The following ADAMTS20 variants were observed in gnomAD, a reference collection of about 807,000 sequenced individuals.
ADAMTS20 encodes the protein A disintegrin and metalloproteinase with thrombospondin motifs 20.
ADAMTS20 carries 225 observed loss-of-function variants against 260.1 expected under a neutral mutation model. The ratio of observed to expected loss-of-function variants is 0.87; its 90% confidence interval spans 0.78 to 0.97. The LOEUF (loss-of-function observed/expected upper bound fraction) is 0.97, where lower values mean the gene tolerates loss of function less well. ADAMTS20 is among the 50% of genes least tolerant of loss of function. The pLI is 0.00. For missense variants in ADAMTS20, 2,400 were observed against 2,337.7 expected (o/e 1.03, Z -0.55); for synonymous variants, 802 against 769.5 (o/e 1.04, Z -0.70).
chr12:43,517,558 A>C (rs1943016165), intron 3 of ADAMTS20, among the ~76,000 whole-genome samples: 1 of 152,100 alleles, frequency 6.6e-6, no homozygotes, highest in African/African-American at 2.4e-5. Context: ...TAAATTGACG[A>C]TATAACGTAT....
intron 37 of ADAMTS20, among the ~76,000 whole-genome samples, chr12:43,361,035 C>T (rs755016233): frequency 1.3e-5 from 2 of 152,206 alleles, no homozygotes; most frequent in Non-Finnish European, 2.9e-5. Context: ...ATTTACTTTA[C>T]TTTACTTTCG....
intron 2 of ADAMTS20, among the ~76,000 whole-genome samples, chr12:43,540,649 A>C (rs5797868): frequency 0.48 from 71,611 of 150,680 alleles, 17,224 homozygotes; most frequent in East Asian, 0.69. Flanking sequence ...TAAAAAAAAA[A>C]CAGGTGGTTC....
chr12:43,480,550 ACATAAGTATACAT>A (rs1336118564), intron 7 of ADAMTS20, among the ~76,000 whole-genome samples: 1 of 152,200 alleles, frequency 6.6e-6, no homozygotes, highest in Non-Finnish European at 1.5e-5. Context: ...ACAGTATACA[ACATAAGTATACAT>A]CAATGCATAA....
chr12:43,402,265 T>G (rs1940824314), intron 28 of ADAMTS20, among the ~76,000 whole-genome samples: 1 of 151,982 alleles, frequency 6.6e-6, no homozygotes, highest in Non-Finnish European at 1.5e-5. Flanking sequence ...TTTATTAAAC[T>G]CTAAAATAAT....
At chr12:43,412,802 A>ATTTTTTTTTTT in intron 28 of ADAMTS20, among the ~76,000 whole-genome samples, 1 of 84,274 alleles carries the variant, frequency 1.2e-5, no homozygotes, top group Non-Finnish European at 2.1e-5. Flanking sequence ...ATAGGAAATA[A>ATTTTTTTTTTT]TTTTTTTTTT....
chr12:43,446,279 C>T (rs1012271179), intron 15 of ADAMTS20, among the ~76,000 whole-genome samples: 2 of 151,994 alleles, frequency 1.3e-5, no homozygotes, highest in African/African-American at 2.4e-5. Flanking sequence ...GGGAAAAAAC[C>T]ATTTCATTAA....
intron 37 of ADAMTS20, among the ~76,000 whole-genome samples, chr12:43,363,091 T>C (rs1939908813): frequency 1.3e-5 from 2 of 152,138 alleles, no homozygotes; most frequent in African/African-American, 2.4e-5. Flanking sequence ...CTGTGGCATC[T>C]GAACCATGAC....
chr12:43,445,118 C>G (rs1486879175), intron 15 of ADAMTS20, among the ~76,000 whole-genome samples: 2 of 151,994 alleles, frequency 1.3e-5, no homozygotes, highest in Non-Finnish European at 2.9e-5. Flanking sequence ...GCAAAGGTGA[C>G]AAGATGAAGG....
intron 3 of ADAMTS20, among the ~76,000 whole-genome samples, chr12:43,510,292 A>G (rs994331737): frequency 6.6e-6 from 1 of 152,080 alleles, no homozygotes; most frequent in African/African-American, 2.4e-5. Context: ...GACAGAAGAC[A>G]GAGACAGTAA....
At chr12:43,365,152 A>C (rs976155007) in intron 37 of ADAMTS20, among the ~76,000 whole-genome samples, 2 of 152,060 alleles carry the variant, frequency 1.3e-5, no homozygotes, top group Non-Finnish European at 2.9e-5. Context: ...ATTTTTAATA[A>C]GCAAACCTAT....
At chr12:43,547,834 C>A (rs182185091) in intron 2 of ADAMTS20, among the ~76,000 whole-genome samples, 1 of 152,132 alleles carries the variant, frequency 6.6e-6, no homozygotes, top group Non-Finnish European at 1.5e-5. Context: ...AGTGAGCTCT[C>A]ATTGAACTAG....
At chr12:43,402,515 T>C (rs1940829703) in intron 28 of ADAMTS20, among the ~76,000 whole-genome samples, 1 of 152,008 alleles carries the variant, frequency 6.6e-6, no homozygotes, top group African/African-American at 2.4e-5. Flanking sequence ...CATCTGGGAA[T>C]TTCTTTAAAG....
Position 43,399,089 on chromosome 12 carries a change from A to T in ADAMTS20, c.4429T>A (p.Trp1477Arg). The T allele has an allele frequency of 6.5e-7, 1 of 1,529,276 alleles. No individual in the cohort carries two copies. Among genetic ancestry groups the T allele is most frequent in the Non-Finnish European group, 8.8e-7 (1 of 1,136,870 alleles). 94.7% of individuals were successfully genotyped at this position (1,529,276 alleles called of 1,614,324 possible). A position where few individuals can be genotyped will look rare whatever the true frequency, so the allele number is the denominator to read the frequency against. ...KACRSVRCPSWKANSWNECSV... is the reference protein window; with the variant it reads ...KACRSVRCPSRKANSWNECSV... ...ACCTCATTCCAGCTATTGGCTTTCC[A>T]TGAAGGGCATCTGACAGATCTACAG... is the stretch of plus-strand genomic sequence containing the variant. Residue 1477 changes from tryptophan (W) to arginine (R), a missense_variant, in exon 29 of 39, where the codon TGG (tryptophan) becomes AGG (arginine). Coordinates refer to ENST00000389420, the MANE Select transcript of ADAMTS20 (RefSeq NM_025003.5).
chr12:43,461,653 C>G (rs1398481928), intron 11 of ADAMTS20, among the ~76,000 whole-genome samples: 1 of 151,948 alleles, frequency 6.6e-6, no homozygotes, highest in Non-Finnish European at 1.5e-5. Context: ...TCAAATGTGC[C>G]CATATCAGCA....
intron 7 of ADAMTS20, among the ~76,000 whole-genome samples, chr12:43,472,765 A>G (rs1309544880): frequency 6.6e-6 from 1 of 151,332 alleles, no homozygotes; most frequent in East Asian, 1.9e-4. Context: ...GAAATAAAAT[A>G]CTTTACAAAC....
At chr12:43,457,763 C>T (rs866190172) in intron 11 of ADAMTS20, among the ~76,000 whole-genome samples, 24 of 152,292 alleles carry the variant, frequency 1.6e-4, no homozygotes, top group African/African-American at 5.8e-4. Flanking sequence ...CACTAGCATC[C>T]CTTACTTCTA....
Position 43,439,737 on chromosome 12 carries a change from AC to A in ADAMTS20, c.2477del (p.Gly826ValfsTer46), listed in dbSNP as rs774597268. On this transcript the variant is annotated frameshift_variant, in exon 18 of 39. Coordinates refer to ENST00000389420, the MANE Select transcript of ADAMTS20 (RefSeq NM_025003.5). LOFTEE classifies it high-confidence loss of function. ...AATGTACATCAGGGTTGTATAAATT[AC>A]CCACACACAACACCTCAATAAGAAT... The part of the protein sequence containing the change: ...KELILQVLCV[G>X]NLYNPDVHYS... 6.2e-7 allele frequency: 1 copy of A among 1,611,678 alleles called. No homozygotes were observed. The highest frequency in any genetic ancestry group is 8.5e-7 in the Non-Finnish European group (1 of 1,178,718).
At chr12:43,392,258 T>A (rs1390791048) in intron 29 of ADAMTS20, among the ~76,000 whole-genome samples, 3 of 152,080 alleles carry the variant, frequency 2.0e-5, no homozygotes, top group African/African-American at 7.2e-5. Context: ...CACAGCTAAT[T>A]TCAGAAATAT....
intron 12 of ADAMTS20, 30 bp downstream of exon 12, chr12:43,453,871 ATAATCT>A: frequency 6.4e-7 from 1 of 1,559,036 alleles, no homozygotes; most frequent in Non-Finnish European, 8.7e-7. Context: ...GTGCCTTGAG[ATAATCT>A]TAATTTATAG....
Sources: gnomAD v4.1 joint callset for allele counts (sites outside exome capture counted in the v4.1 genomes callset) on GRCh38, gnomAD v4.1.1 for gene constraint, MANE v1.5 for transcripts, NCBI Gene and HGNC (gene_info 2026-07-23, HGNC 2026-07-21) for gene names.